Variants in RAPH1 observed in about 807,000 individuals in gnomAD.
The protein encoded by RAPH1 is Ras association (RalGDS/AF-6) and pleckstrin homology domains 1.
Under a neutral mutation model 88.1 loss-of-function variants are expected in RAPH1, and 18 were observed. The observed-to-expected ratio is 0.20, with a 90% CI of 0.14 to 0.30. The LOEUF is 0.30. Ranked by LOEUF, RAPH1 falls within the 10% of genes least tolerant of loss-of-function variation. The pLI, the probability that RAPH1 is intolerant of heterozygous loss-of-function variation, is 1.00. For missense variants in RAPH1, 1,448 were observed against 1,543.2 expected, an observed-to-expected ratio of 0.94 and a Z score of 1.03; for synonymous variants, 587 against 559.0, an observed-to-expected ratio of 1.05 and a Z score of -0.71.
intron 1 of RAPH1, among the ~76,000 whole-genome samples, chr2:203,497,684 T>G (rs1255090189): frequency 4.6e-5 from 7 of 152,188 alleles, no homozygotes; most frequent in Non-Finnish European, 7.4e-5. Context: ...CTTAATCTTT[T>G]ATCACTCTAA....
At chr2:203,460,986 C>A (rs2098523774) in intron 6 of RAPH1, among the ~76,000 whole-genome samples, 2 of 151,916 alleles carry the variant, frequency 1.3e-5, no homozygotes, top group African/African-American at 2.4e-5. Flanking sequence ...CGTGGTGGTG[C>A]ACGCCTGTAG....
rs2098499736 is a variant in RAPH1, at chr2:203,437,861, C to A, written c.*1576G>T. Reference sequence around the variant, plus strand: ...ATCATTAACAATAGGCACAGACTTTCATTACAAGATGTGCTCCCCTTATAA... The same window carrying A: ...ATCATTAACAATAGGCACAGACTTTAATTACAAGATGTGCTCCCCTTATAA... On this transcript the variant is annotated 3_prime_UTR_variant, in exon 14 of 14. Coordinates refer to ENST00000319170, the MANE Select transcript of RAPH1 (RefSeq NM_213589.3). 5.0e-6 allele frequency: 1 copy of A among 201,884 alleles called. No individual in the cohort carries two copies. Among genetic ancestry groups the A allele is most frequent in the Non-Finnish European group, 1.0e-5 (1 of 98,996 alleles). 12.5% of individuals were successfully genotyped at this position (201,884 alleles called of 1,614,324 possible).
At chr2:203,499,493 G>A (rs965233646) in intron 1 of RAPH1, among the ~76,000 whole-genome samples, 22 of 151,984 alleles carry the variant, frequency 1.4e-4, no homozygotes, top group Non-Finnish European at 2.5e-4. Flanking sequence ...AGGCCAAGGC[G>A]GATGGATCAC....
At position 203,505,414 on chromosome 2, in the gene RAPH1, A is replaced by G. The variant is rs187804055; in HGVS notation, c.1-10061T>C. 3.0e-3 allele frequency among the ~76,000 whole-genome samples: 455 copies of G among 149,330 alleles called. 2 individuals carry two copies. Among genetic ancestry groups the G allele is most frequent in the African/African-American group, 0.01 (426 of 40,664 alleles). On this transcript the variant is annotated intron_variant, in intron 1 of 13. Transcript: ENST00000319170. The stretch of plus-strand genomic sequence containing the variant: ...TATTCACTATCACAAGACTAGCACA[A>G]GAAAGACTGGCCGCCATGATTAAAT...
chr2:203,457,508 A>C, intron 8 of RAPH1, 22 bp downstream of exon 8: 1 of 1,598,988 alleles, frequency 6.3e-7, no homozygotes, highest in Non-Finnish European at 8.6e-7. Context: ...TTAAATGTGC[A>C]GGAAAATGGG....
In RAPH1 at chr2:203,439,295, T is replaced by A; in HGVS notation, c.*142A>T. Reference sequence around the variant, plus strand: ...GTACAGCTGTGTGTACATGCACGTGTACACACACACATACACATATAGCTG... The same window carrying A: ...GTACAGCTGTGTGTACATGCACGTGAACACACACACATACACATATAGCTG... On this transcript the variant is annotated 3_prime_UTR_variant, in exon 14 of 14. Coordinates refer to ENST00000319170, the MANE Select transcript of RAPH1 (RefSeq NM_213589.3). The A allele has an allele frequency of 1.4e-6, 1 of 699,612 alleles. No homozygotes were observed. The highest frequency in any genetic ancestry group is 2.6e-5 in the East Asian group (1 of 38,848). 43.3% of individuals were successfully genotyped at this position (699,612 alleles called of 1,614,324 possible). A position where few individuals can be genotyped will look rare whatever the true frequency, so the allele number is the denominator to read the frequency against.
intron 1 of RAPH1, among the ~76,000 whole-genome samples, chr2:203,531,154 T>C (rs1428905269): frequency 6.6e-6 from 1 of 152,064 alleles, no homozygotes; most frequent in Non-Finnish European, 1.5e-5. Context: ...AAAACCTTCA[T>C]GACATTGGAT....
intron 2 of RAPH1, among the ~76,000 whole-genome samples, chr2:203,491,949 T>C (rs1008018281): frequency 6.6e-5 from 10 of 152,136 alleles, no homozygotes; most frequent in African/African-American, 2.2e-4. Flanking sequence ...CATGGTAAGC[T>C]AAGAAATAGG....
chr2:203,521,730 AC>A (rs536644300), intron 1 of RAPH1, among the ~76,000 whole-genome samples: 2 of 151,734 alleles, frequency 1.3e-5, no homozygotes, highest in South Asian at 2.1e-4. Flanking sequence ...TAAAGAGAAC[AC>A]CCCCCCACAC....
intron 4 of RAPH1, among the ~76,000 whole-genome samples, chr2:203,485,050 C>T (rs748719144): frequency 3.9e-5 from 6 of 152,132 alleles, no homozygotes; most frequent in African/African-American, 9.7e-5. Context: ...TACCTTTTAA[C>T]AGCCAATGAG....
intron 1 of RAPH1, among the ~76,000 whole-genome samples, chr2:203,532,649 CAG>C (rs750775696): frequency 6.6e-6 from 1 of 152,136 alleles, no homozygotes; most frequent in African/African-American, 2.4e-5. Flanking sequence ...GTGTTTAAAA[CAG>C]TGTACGTCAT....
In RAPH1 at chr2:203,435,510, A is replaced by G. The variant is rs533846503; in HGVS notation, c.*3927T>C. ...TACCCTGCATAATTTATACAAATGT[A>G]AAGTGTATATTAAAAAAAAAAAAGT... On this transcript the variant is annotated 3_prime_UTR_variant, in exon 14 of 14. Coordinates refer to ENST00000319170, the MANE Select transcript of RAPH1 (RefSeq NM_213589.3). 1.3e-5 allele frequency: 2 copies of G among 150,422 alleles called. No individual in the cohort carries two copies. The highest frequency in any genetic ancestry group is 2.1e-4 in the South Asian group (1 of 4,812). The allele number at this position is 150,422 out of a possible 1,614,324, so 9.3% of individuals were successfully genotyped here. A position where few individuals can be genotyped will look rare whatever the true frequency, so the allele number is the denominator to read the frequency against.
chr2:203,525,755 C>A (rs1487355185), intron 1 of RAPH1, among the ~76,000 whole-genome samples: 1 of 152,064 alleles, frequency 6.6e-6, no homozygotes, highest in Non-Finnish European at 1.5e-5. Flanking sequence ...CCAGCCTGGG[C>A]AACAGAGTGA....
Position 203,441,736 on chromosome 2 carries a change from T to A in RAPH1, c.1777-323A>T, listed in dbSNP as rs554931278. The A allele has an allele frequency of 3.1e-6, 4 of 1,284,070 alleles. No individual in the cohort carries two copies. In the East Asian group the frequency reaches 1.4e-4, roughly 43 times the overall value. The allele number at this position is 1,284,070 out of a possible 1,614,324, so 79.5% of individuals were successfully genotyped here. A position where few individuals can be genotyped will look rare whatever the true frequency, so the allele number is the denominator to read the frequency against. On this transcript the variant is annotated intron_variant, in intron 13 of 13. Coordinates refer to ENST00000319170, the MANE Select transcript of RAPH1 (RefSeq NM_213589.3). ...GACTTCTGACCTTGGCTGTATGACT[T>A]TGACACAGCCTGCCCTACATGGAAC... is the stretch of plus-strand genomic sequence containing the variant.
chr2:203,486,006 G>T (rs1053982993), intron 4 of RAPH1, among the ~76,000 whole-genome samples: 1 of 151,462 alleles, frequency 6.6e-6, no homozygotes, highest in Non-Finnish European at 1.5e-5. Context: ...CTAAAACACT[G>T]GCAGCCAGCA....
At position 203,501,256 on chromosome 2, in the gene RAPH1, T is replaced by C. The variant is rs529658866; in HGVS notation, c.1-5903A>G. Among the ~76,000 whole-genome samples the C allele has an allele frequency of 2.0e-5, 3 of 152,206 alleles. No individual in the cohort carries two copies. In the East Asian group the frequency reaches 5.8e-4, roughly 29 times the overall value. On this transcript the variant is annotated intron_variant, in intron 1 of 13. Coordinates refer to ENST00000319170, the MANE Select transcript of RAPH1 (RefSeq NM_213589.3). ...GAGAAGGGAAAGGAAAGGAAAGAAGTAGGACACTCATAATGTAAAATGGAA... is the reference window on the plus strand; with the variant it reads ...GAGAAGGGAAAGGAAAGGAAAGAAGCAGGACACTCATAATGTAAAATGGAA...
chr2:203,508,015 A>G (rs1293747888), intron 1 of RAPH1, among the ~76,000 whole-genome samples: 1 of 151,676 alleles, frequency 6.6e-6, no homozygotes, highest in East Asian at 1.9e-4. Flanking sequence ...GATCAAGACC[A>G]TCCTGGCTAA....
intron 12 of RAPH1, 98 bp from the exon 13 acceptor site, chr2:203,445,108 G>T: frequency 9.2e-7 from 1 of 1,088,246 alleles, no homozygotes; most frequent in Non-Finnish European, 1.3e-6. Flanking sequence ...AAGGTCAAGT[G>T]CTGTGTACAA....
Position 203,434,056 on chromosome 2 carries a change from C to CTATCTATCTA in RAPH1, c.*5380_*5381insTAGATAGATA, listed in dbSNP as rs1488308709. 152 of 145,694 alleles carry CTATCTATCTA rather than the reference C, an allele frequency of 1.0e-3. No individual in the cohort carries two copies. Among genetic ancestry groups the CTATCTATCTA allele is most frequent in the African/African-American group, 3.5e-3 (139 of 39,318 alleles). 9.0% of individuals were successfully genotyped at this position (145,694 alleles called of 1,614,324 possible). A position where few individuals can be genotyped will look rare whatever the true frequency, so the allele number is the denominator to read the frequency against. Reference sequence around the variant, plus strand: ...CTCTCTCATATATCTATCTATCTATCTATATATATATATATATATATATAG... The same window carrying CTATCTATCTA: ...CTCTCTCATATATCTATCTATCTATCTATCTATCTATATATATATATATATATATATATAG... On this transcript the variant is annotated 3_prime_UTR_variant, in exon 14 of 14. Coordinates refer to ENST00000319170, the MANE Select transcript of RAPH1 (RefSeq NM_213589.3).
Sources: allele counts gnomAD v4.1 joint callset (sites outside exome capture counted in the v4.1 genomes callset), GRCh38; gene constraint gnomAD v4.1.1; transcripts MANE v1.5; gene names NCBI Gene and HGNC (gene_info 2026-07-23, HGNC 2026-07-21).